Variants in PTPRQ observed in about 807,000 individuals in gnomAD.
The protein encoded by PTPRQ is protein tyrosine phosphatase receptor type Q.
In PTPRQ, 199 loss-of-function variants were observed where a neutral mutation model predicts 246.0. The ratio of observed to expected loss-of-function variants is 0.81; its 90% CI spans 0.72 to 0.91. PTPRQ has a LOEUF of 0.91. Among genes scored for constraint, PTPRQ ranks in the 40% least tolerant of loss-of-function variants. PTPRQ has a pLI of 0.00. For synonymous variants in PTPRQ, 869 were observed against 853.2 expected (o/e 1.02, Z -0.32); for missense variants, 2,624 against 2,528.4 (o/e 1.04, Z -0.81).
intron 32 of PTPRQ, among the ~76,000 whole-genome samples, chr12:80,621,587 C>T (rs1414050756): frequency 6.6e-6 from 1 of 151,982 alleles, no homozygotes; most frequent in African/African-American, 2.4e-5. Context: ...TGTGCACACA[C>T]AGAAATAACA....
Position 80,669,452 on chromosome 12 carries a change from G to T in PTPRQ, c.6441G>T (p.Leu2147=). 1 of 1,537,046 alleles carries T rather than the reference G, an allele frequency of 6.5e-7. No homozygotes were observed. The highest frequency in any genetic ancestry group is 8.8e-7 in the Non-Finnish European group (1 of 1,141,086). The stretch of plus-strand genomic sequence containing the variant: ...AAATAGATTGGACTATCAGGGATCT[G>T]AAAATTGAAAGGGTAAAAAAAAAAG... ...DVQIDWTIRD[L]KIERHGDCMT... Residue 2147 remains leucine, a synonymous_variant, in exon 41 of 45, where the codon CTG becomes CTT. Transcript: ENST00000644991.
At chr12:80,497,536 T>G (rs184200771) in intron 14 of PTPRQ, among the ~76,000 whole-genome samples, 49 of 152,158 alleles carry the variant, frequency 3.2e-4, no homozygotes, top group African/African-American at 1.2e-3. Context: ...GCGCTGGGAT[T>G]GGGGACCCCT....
Position 80,542,891 on chromosome 12 carries a change from T to C in PTPRQ, c.3873+10T>C. The C allele has an allele frequency of 7.0e-7, 1 of 1,422,438 alleles. No homozygotes were observed. The highest frequency in any genetic ancestry group is 9.3e-7 in the Non-Finnish European group (1 of 1,070,534). 88.1% of individuals were successfully genotyped at this position (1,422,438 alleles called of 1,614,324 possible). A position where few individuals can be genotyped will look rare whatever the true frequency, so the allele number is the denominator to read the frequency against. On this transcript the variant is annotated intron_variant, in intron 23 of 44. Transcript: ENST00000644991. The stretch of plus-strand genomic sequence containing the variant: ...CACTATATATTATAAGGTAGGTTGA[T>C]TATAACAGTATATGTTTATTTTTAA...
At chr12:80,525,260 A>G (rs990523409) in intron 17 of PTPRQ, among the ~76,000 whole-genome samples, 1 of 152,198 alleles carries the variant, frequency 6.6e-6, no homozygotes, top group African/African-American at 2.4e-5. Context: ...CAAGATTACT[A>G]ATAGTCAAGA....
rs929259656 is a variant in PTPRQ, at chr12:80,640,003, TTCTC to T, written c.5915+4932_5915+4935del. ...GAGAGCTACAAGCTAGCCCAGGTCT[TTCTC>T]TGAGGTATGAAGATACACGTGTGTG... On this transcript the variant is annotated intron_variant, in intron 35 of 44. Coordinates refer to ENST00000644991, the MANE Select transcript of PTPRQ (RefSeq NM_001145026.2). Among the ~76,000 whole-genome samples, 108 of 151,172 alleles carry T rather than the reference TTCTC, an allele frequency of 7.1e-4. 1 individual carries two copies. The highest frequency in any genetic ancestry group is 9.4e-4 in the Non-Finnish European group (64 of 67,836).
At chr12:80,455,085 G>A (rs1892930252) in intron 3 of PTPRQ, among the ~76,000 whole-genome samples, 1 of 152,108 alleles carries the variant, frequency 6.6e-6, no homozygotes, top group Non-Finnish European at 1.5e-5. Flanking sequence ...AGGCAGGAGA[G>A]TCACTTGAAC....
chr12:80,610,132 A>G (rs1397095405), intron 27 of PTPRQ, among the ~76,000 whole-genome samples: 1 of 150,606 alleles, frequency 6.6e-6, no homozygotes, highest in East Asian at 1.9e-4. Flanking sequence ...GCTTTCTTCT[A>G]CAAAATATTG....
At chr12:80,525,245 C>T (rs1895645751) in intron 17 of PTPRQ, among the ~76,000 whole-genome samples, 1 of 152,138 alleles carries the variant, frequency 6.6e-6, no homozygotes, top group Admixed American at 6.6e-5. Flanking sequence ...AATAAGGGAA[C>T]AGGTCAAGAT....
intron 26 of PTPRQ, among the ~76,000 whole-genome samples, chr12:80,593,030 A>G (rs1032172218): frequency 6.6e-6 from 1 of 152,108 alleles, no homozygotes; most frequent in Non-Finnish European, 1.5e-5. Context: ...ATAAAAATGC[A>G]ATATGTTGTT....
intron 26 of PTPRQ, among the ~76,000 whole-genome samples, chr12:80,593,051 A>G (rs1031856262): frequency 6.6e-6 from 1 of 152,104 alleles, no homozygotes; most frequent in Non-Finnish European, 1.5e-5. Flanking sequence ...TCATGATATA[A>G]AATAAAATAA....
chr12:80,457,749 A>T (rs1052588645), intron 4 of PTPRQ, 105 bp downstream of exon 4: 5 of 395,958 alleles, frequency 1.3e-5, no homozygotes, highest in South Asian at 1.3e-4. Context: ...TATAATTCTC[A>T]GTAGCATGGC....
In PTPRQ at chr12:80,506,090, T is replaced by TCC. The variant is rs1894948430; in HGVS notation, c.2340_2341dup (p.Leu781ProfsTer29). ...TCTTCTGGAGAGATTGAGCTATCAT[T>TCC]CCTTCCCCCAAGTAGTCCCAATGGA... On this transcript the variant is annotated frameshift_variant, in exon 15 of 45. Transcript: ENST00000644991. LOFTEE classifies it high-confidence loss of function. 6.5e-7 allele frequency: 1 copy of TCC among 1,546,340 alleles called. No individual in the cohort carries two copies. The highest frequency in any genetic ancestry group is 1.4e-5 in the African/African-American group (1 of 72,788).
At chr12:80,626,322 C>T (rs1172795008) in intron 33 of PTPRQ, among the ~76,000 whole-genome samples, 1 of 152,056 alleles carries the variant, frequency 6.6e-6, no homozygotes, top group Admixed American at 6.6e-5. Flanking sequence ...GGGTTAGTTA[C>T]TTAAAAAATT....
At chr12:80,596,023 A>G (rs566333652) in intron 26 of PTPRQ, among the ~76,000 whole-genome samples, 2 of 152,214 alleles carry the variant, frequency 1.3e-5, no homozygotes, top group Admixed American at 6.6e-5. Flanking sequence ...TTCAGAATAG[A>G]TTGGAGAAGC....
At chr12:80,623,464 A>C (rs2121141880) in intron 33 of PTPRQ, among the ~76,000 whole-genome samples, 1 of 152,252 alleles carries the variant, frequency 6.6e-6, no homozygotes, top group Non-Finnish European at 1.5e-5. Flanking sequence ...AAATTGTATC[A>C]AGTGTTTCTT....
intron 19 of PTPRQ, among the ~76,000 whole-genome samples, chr12:80,535,767 T>C (rs1186386360): frequency 3.3e-5 from 5 of 152,176 alleles, no homozygotes; most frequent in Admixed American, 6.5e-5. Flanking sequence ...AAAAGGATAA[T>C]TGGAATGATT....
At chr12:80,609,062 T>C (rs1457745873) in intron 27 of PTPRQ, among the ~76,000 whole-genome samples, 1 of 150,650 alleles carries the variant, frequency 6.6e-6, no homozygotes, top group African/African-American at 2.4e-5. Flanking sequence ...TGTCCACTGC[T>C]CTGTCTTAAG....
intron 15 of PTPRQ, 64 bp from the exon 16 acceptor site, chr12:80,506,505 G>T: frequency 2.4e-6 from 3 of 1,261,180 alleles, no homozygotes; most frequent in Non-Finnish European, 3.3e-6. Flanking sequence ...TTCATAGTTT[G>T]CCTCTTGCAT....
chr12:80,601,340 A>T (rs1034914051), intron 26 of PTPRQ, among the ~76,000 whole-genome samples: 1 of 151,750 alleles, frequency 6.6e-6, no homozygotes, highest in Non-Finnish European at 1.5e-5. Flanking sequence ...GGCATGCCAT[A>T]GGTGTTCAGT....
Sources: allele counts gnomAD v4.1 joint callset (sites outside exome capture counted in the v4.1 genomes callset), GRCh38; gene constraint gnomAD v4.1.1; transcripts MANE v1.5; gene names NCBI Gene and HGNC (gene_info 2026-07-23, HGNC 2026-07-21).